Variants in RSBN1L observed in about 807,000 individuals in gnomAD.
RSBN1L encodes the protein lysine-specific demethylase RSBN1L.
Under a neutral mutation model 67.7 loss-of-function variants are expected in RSBN1L, and 30 were observed. The observed-to-expected ratio is 0.44, with a 90% CI of 0.33 to 0.60. The LOEUF (loss-of-function observed/expected upper bound fraction) is 0.60, where lower values mean the gene tolerates loss of function less well. Among genes scored for constraint, RSBN1L ranks in the 20% least tolerant of loss-of-function variants. RSBN1L has a pLI of 0.02. For missense variants in RSBN1L, 992 were observed against 1,031.7 expected (o/e 0.96, Z 0.53); for synonymous variants, 433 against 387.0 (o/e 1.12, Z -1.39).
chr7:77,743,669 A>G (rs1361242658), intron 2 of RSBN1L, among the ~76,000 whole-genome samples: 2 of 150,074 alleles, frequency 1.3e-5, no homozygotes, highest in Admixed American at 6.6e-5. Flanking sequence ...TAGGATATTA[A>G]ATATACTTTC....
chr7:77,697,438 T>G, intron 1 of RSBN1L: 1 of 176,176 alleles, frequency 5.7e-6, no homozygotes, highest in Non-Finnish European at 1.2e-5. Flanking sequence ...TTAGACCACT[T>G]AGACGTGGTC....
intron 2 of RSBN1L, among the ~76,000 whole-genome samples, chr7:77,740,003 C>T (rs974012083): frequency 5.9e-5 from 9 of 151,592 alleles, no homozygotes; most frequent in African/African-American, 1.9e-4. Flanking sequence ...CTGCCTGACC[C>T]GGCCTCCCAA....
chr7:77,755,391 G>A (rs138486914), intron 3 of RSBN1L, among the ~76,000 whole-genome samples: 132 of 152,222 alleles, frequency 8.7e-4, no homozygotes, highest in African/African-American at 2.9e-3. Flanking sequence ...GCAGCTGGGC[G>A]TGGTGGCTCA....
intron 4 of RSBN1L, 95 bp from the exon 5 acceptor site, chr7:77,768,566 A>T: frequency 2.9e-6 from 3 of 1,049,252 alleles, no homozygotes; most frequent in South Asian, 1.4e-5. Context: ...GCTGTGTATG[A>T]AAGTGTGTTT....
chr7:77,713,920 A>G (rs1314584066), intron 1 of RSBN1L, among the ~76,000 whole-genome samples: 2 of 152,172 alleles, frequency 1.3e-5, no homozygotes, highest in Non-Finnish European at 2.9e-5. Context: ...TGCTCTGTTT[A>G]GAATTTATTT....
At chr7:77,748,151 GT>G (rs1377663607) in intron 2 of RSBN1L, among the ~76,000 whole-genome samples, 1 of 152,116 alleles carries the variant, frequency 6.6e-6, no homozygotes, top group Non-Finnish European at 1.5e-5. Flanking sequence ...CTTGAAAGCA[GT>G]TTAGCTAAGG....
At chr7:77,729,557 A>G (rs1358840722) in intron 1 of RSBN1L, among the ~76,000 whole-genome samples, 2 of 152,246 alleles carry the variant, frequency 1.3e-5, no homozygotes, top group East Asian at 3.8e-4. Context: ...TAATAGAAGT[A>G]TATTGGGTGA....
chr7:77,730,580 A>G (rs1052662118), intron 1 of RSBN1L, among the ~76,000 whole-genome samples: 1 of 152,144 alleles, frequency 6.6e-6, no homozygotes, highest in African/African-American at 2.4e-5. Flanking sequence ...TACCCTGGCA[A>G]CCACTGATCT....
intron 3 of RSBN1L, among the ~76,000 whole-genome samples, chr7:77,764,642 T>G (rs545160595): frequency 2.6e-5 from 4 of 152,178 alleles, no homozygotes; most frequent in African/African-American, 7.2e-5. Context: ...TTTTTTTTTT[T>G]TTGAGACATA....
Position 77,749,764 on chromosome 7 carries a change from C to T in RSBN1L, c.1044C>T (p.Leu348=). ...KRLDTLEFKQ[L]IHIEHQPNGG... ...TGGACACTTTGGAATTTAAACAACT[C>T]ATTCATATAGAGCACCAGCCTAATG... Residue 348 remains leucine, a synonymous_variant, in exon 3 of 8, where the codon CTC becomes CTT. Coordinates refer to ENST00000334955, the MANE Select transcript of RSBN1L (RefSeq NM_198467.3). 1 of 1,614,160 alleles carries T rather than the reference C, an allele frequency of 6.2e-7. No individual in the cohort carries two copies. The highest frequency in any genetic ancestry group is 8.5e-7 in the Non-Finnish European group (1 of 1,180,008).
chr7:77,733,998 G>A (rs1481268629), intron 1 of RSBN1L, among the ~76,000 whole-genome samples: 2 of 152,186 alleles, frequency 1.3e-5, no homozygotes, highest in African/African-American at 4.8e-5. Context: ...GCGATGGCGT[G>A]TGCCTGTAAT....
chr7:77,703,923 A>G (rs1320387836), intron 1 of RSBN1L, among the ~76,000 whole-genome samples: 2 of 152,132 alleles, frequency 1.3e-5, no homozygotes, highest in Admixed American at 6.6e-5. Flanking sequence ...CCCAGTAGCT[A>G]GGACTACAGG....
chr7:77,724,113 C>T (rs115071126), intron 1 of RSBN1L, among the ~76,000 whole-genome samples: 3,007 of 151,854 alleles, frequency 0.02, 85 homozygotes, highest in African/African-American at 0.068. Context: ...CTTTTTTTCT[C>T]CTCTTGATTA....
chr7:77,704,991 T>TTC (rs1554336715), intron 1 of RSBN1L, among the ~76,000 whole-genome samples: 1 of 149,138 alleles, frequency 6.7e-6, no homozygotes, highest in African/African-American at 2.5e-5. Flanking sequence ...AAAAAAAAAG[T>TTC]TGTGTGTGTG....
chr7:77,724,581 A>G (rs1443889155), intron 1 of RSBN1L, among the ~76,000 whole-genome samples: 1 of 151,464 alleles, frequency 6.6e-6, no homozygotes, highest in East Asian at 1.9e-4. Context: ...GTGCATCACC[A>G]TGCCCAGCTA....
chr7:77,716,218 T>A (rs931794822), intron 1 of RSBN1L, among the ~76,000 whole-genome samples: 2 of 152,220 alleles, frequency 1.3e-5, no homozygotes, highest in African/African-American at 4.8e-5. Flanking sequence ...TTTTATAGGT[T>A]TAGGTTTCAC....
At chr7:77,749,395 G>A (rs1791524229) in intron 2 of RSBN1L, 29 bp from the exon 3 acceptor site, 27 of 1,463,548 alleles carry the variant, frequency 1.8e-5, no homozygotes, top group Non-Finnish European at 2.5e-5. Context: ...ATTAAAATAT[G>A]GAGTTTCAAA....
intron 1 of RSBN1L, among the ~76,000 whole-genome samples, chr7:77,731,940 G>A (rs961278310): frequency 6.6e-6 from 1 of 151,632 alleles, no homozygotes; most frequent in African/African-American, 2.4e-5. Context: ...GTATTTAAGT[G>A]GATCTGTTTC....
At position 77,762,220 on chromosome 7, in the gene RSBN1L, G is replaced by A. The variant is rs79855783; in HGVS notation, c.1345-3275G>A. 6.6e-5 allele frequency among the ~76,000 whole-genome samples: 10 copies of A among 152,148 alleles called. No homozygotes were observed. In the East Asian group the frequency reaches 9.6e-4, roughly 15 times the overall value. On this transcript the variant is annotated intron_variant, in intron 3 of 7. Coordinates refer to ENST00000334955, the MANE Select transcript of RSBN1L (RefSeq NM_198467.3). ...AATTAAGATATTTAGCAATATAATC[G>A]GAGTAGAGTCTGTATTACTTTACTT...
Sources: allele counts gnomAD v4.1 joint callset (sites outside exome capture counted in the v4.1 genomes callset), GRCh38; gene constraint gnomAD v4.1.1; transcripts MANE v1.5; gene names NCBI Gene and HGNC (gene_info 2026-07-23, HGNC 2026-07-21).